Variants in DLC1 observed in about 807,000 individuals in gnomAD.
DLC1 encodes the protein DLC1 Rho GTPase activating protein.
In DLC1, 54 loss-of-function variants were observed where a neutral mutation model predicts 140.3. The observed-to-expected ratio is 0.38, with a 90% CI of 0.31 to 0.48. The LOEUF is 0.48. Ranked by LOEUF, DLC1 falls within the 20% of genes least tolerant of loss-of-function variation. DLC1 has a pLI of 0.96. For missense variants in DLC1, 2,536 were observed against 1,907.0 expected, an observed-to-expected ratio of 1.33 and a Z score of -6.14; for synonymous variants, 986 against 728.1, an observed-to-expected ratio of 1.35 and a Z score of -5.70.
intron 5 of DLC1, among the ~76,000 whole-genome samples, chr8:13,187,849 C>T (rs1437354481): frequency 2.0e-5 from 3 of 152,170 alleles, no homozygotes; most frequent in Admixed American, 6.5e-5. Context: ...GATTCCTCGG[C>T]TCCCCAACCC....
chr8:13,404,745 C>G (rs1233463016), intron 2 of DLC1, among the ~76,000 whole-genome samples: 1 of 151,926 alleles, frequency 6.6e-6, no homozygotes, highest in Admixed American at 6.6e-5. Context: ...CGCCTATAAT[C>G]CTAGCATTTT....
At chr8:13,521,144 C>T (rs535537826) in intron 1 of DLC1, among the ~76,000 whole-genome samples, 2 of 152,016 alleles carry the variant, frequency 1.3e-5, no homozygotes, top group African/African-American at 4.8e-5. Context: ...AGCAAACTAA[C>T]ACAGAAACAG....
chr8:13,171,691 A>C (rs1825492050), intron 5 of DLC1, among the ~76,000 whole-genome samples: 1 of 152,130 alleles, frequency 6.6e-6, no homozygotes, highest in Non-Finnish European at 1.5e-5. Flanking sequence ...GCCGGCCCAC[A>C]CTTCCTTTTA....
At chr8:13,517,494 G>C (rs544109634), upstream of DLC1, among the ~76,000 whole-genome samples, 1 of 151,974 alleles carries the variant, frequency 6.6e-6, no homozygotes, top group African/African-American at 2.4e-5. Flanking sequence ...ATTTTTCATT[G>C]TTGAGTTGCT....
At chr8:13,429,701 T>C (rs950027165) in intron 2 of DLC1, among the ~76,000 whole-genome samples, 3 of 152,190 alleles carry the variant, frequency 2.0e-5, no homozygotes, top group Non-Finnish European at 4.4e-5. Flanking sequence ...AACCTTGCAT[T>C]TCTTGTTAGT....
rs1818697200 is a variant in DLC1, at chr8:13,098,474, A to T, written c.3092T>A (p.Leu1031Gln). 1 of 1,614,224 alleles carries T rather than the reference A, an allele frequency of 6.2e-7. No homozygotes were observed. Reference sequence around the variant, plus strand: ...TAGCTTTAGGAGTGAGTATTTCTGCAGCAGGTTCATCTGGGCCACAGACTG... The same window carrying T: ...TAGCTTTAGGAGTGAGTATTTCTGCTGCAGGTTCATCTGGGCCACAGACTG... Reference protein sequence around the residue: ...NCQSVAQMNLLQKYSLLKLTA... With the variant: ...NCQSVAQMNLQQKYSLLKLTA... The change falls in exon 10 of 18, where the codon CTG (leucine) becomes CAG (glutamine). Residue 1031 changes from leucine (L) to glutamine (Q), a missense_variant. Leu to Gln is a moderately radical substitution (Grantham distance 113). Transcript: ENST00000276297.
At position 13,094,750 on chromosome 8, in the gene DLC1, G is replaced by A. The variant is rs1213055090; in HGVS notation, c.3526+9C>T. ...AATGCCAACAATCTTAAGATCAAAG[G>A]ACACTCACATTGGTAGATCTGTAGA... On this transcript the variant is annotated intron_variant, in intron 12 of 17. Coordinates refer to ENST00000276297, the MANE Select transcript of DLC1 (RefSeq NM_182643.3). 1 of 1,614,112 alleles carries A rather than the reference G, an allele frequency of 6.2e-7. No individual in the cohort carries two copies. Among genetic ancestry groups the A allele is most frequent in the Non-Finnish European group, 8.5e-7 (1 of 1,180,008 alleles).
At chr8:13,466,988 G>A (rs1236539464) in intron 2 of DLC1, among the ~76,000 whole-genome samples, 2 of 150,678 alleles carry the variant, frequency 1.3e-5, no homozygotes, top group African/African-American at 4.9e-5. Flanking sequence ...CTATATGTGA[G>A]TATGACATAT....
At chr8:13,096,661 G>T (rs1206409699) in intron 10 of DLC1, among the ~76,000 whole-genome samples, 1 of 151,986 alleles carries the variant, frequency 6.6e-6, no homozygotes, top group African/African-American at 2.4e-5. Flanking sequence ...TCTGTATTTA[G>T]CAAGGCTCAC....
At chr8:13,330,774 G>A (rs529429293) in intron 4 of DLC1, among the ~76,000 whole-genome samples, 1 of 152,094 alleles carries the variant, frequency 6.6e-6, no homozygotes, top group Admixed American at 6.5e-5. Flanking sequence ...TTTTAATCTT[G>A]TTTACTTGTT....
At position 13,221,724 on chromosome 8, in the gene DLC1, G is replaced by GTATATATATA. The variant is rs1311540477; in HGVS notation, c.1348+83544_1348+83545insTATATATATA. On this transcript the variant is annotated intron_variant, in intron 5 of 17. Transcript: ENST00000276297. ...TATGTGTGTGTATATGTGTGTGTGT[G>GTATATATATA]TGTATATATATATATATATATGATA... is the stretch of plus-strand genomic sequence containing the variant. Among the ~76,000 whole-genome samples, 90 of 132,954 alleles carry GTATATATATA rather than the reference G, an allele frequency of 6.8e-4. 1 individual carries two copies. The highest frequency in any genetic ancestry group is 2.5e-3 in the African/African-American group (87 of 34,734). 87.2% of individuals were successfully genotyped at this position (132,954 alleles called of 152,430 possible). A position where few individuals can be genotyped will look rare whatever the true frequency, so the allele number is the denominator to read the frequency against.
In DLC1 at chr8:13,330,241, C is replaced by T. The variant is rs1528625; in HGVS notation, c.1315-24939G>A. Among the ~76,000 whole-genome samples, 906 of 152,238 alleles carry T rather than the reference C, an allele frequency of 6.0e-3. 8 individuals are homozygous for T. Among genetic ancestry groups the T allele is most frequent in the African/African-American group, 0.016 (657 of 41,536 alleles). On this transcript the variant is annotated intron_variant, in intron 4 of 17. Transcript: ENST00000276297. ...TGCTGGGATTGCAGGAATAAACCAC[C>T]GCACCCAGCCTATTATCCAGTGTTT...
At chr8:13,290,972 G>T (rs1321511903) in intron 5 of DLC1, among the ~76,000 whole-genome samples, 1 of 151,638 alleles carries the variant, frequency 6.6e-6, no homozygotes, top group African/African-American at 2.4e-5. Flanking sequence ...GCAATGGCGC[G>T]ATCTTGGCTC....
chr8:13,575,336 G>A (rs1463149535), intron 1 of DLC1, among the ~76,000 whole-genome samples: 1 of 152,146 alleles, frequency 6.6e-6, no homozygotes, highest in Non-Finnish European at 1.5e-5. Context: ...CTTACGTAAT[G>A]AGGGTTAGGA....
chr8:13,420,005 G>T (rs1026773805), intron 2 of DLC1, among the ~76,000 whole-genome samples: 3 of 152,148 alleles, frequency 2.0e-5, no homozygotes, highest in African/African-American at 7.2e-5. Context: ...TTGCGTAGAG[G>T]TGTTTGTAGT....
rs369956958 is a variant in DLC1 at position 13,098,424 on chromosome 8, G to C, written c.3142C>G (p.Pro1048Ala). The C allele has an allele frequency of 3.7e-6, 6 of 1,614,102 alleles. No individual in the cohort carries two copies. Among genetic ancestry groups the C allele is most frequent in the Non-Finnish European group, 4.2e-6 (5 of 1,180,004 alleles). The change falls in exon 10 of 18, where the codon CCT becomes GCT. Residue 1048 changes from proline (P) to alanine (A), a missense_variant. By Grantham distance (27) the Pro-to-Ala change is conservative. Transcript: ENST00000276297. Reference protein sequence around the residue: ...KLTALLEKYTPSNKHGFSWAV... With the variant: ...KLTALLEKYTASNKHGFSWAV... ...CAGCTAAAACCATGCTTGTTAGAAGGTGTGTATTTCTCCAGCAGGGCCGTT... is the reference window on the plus strand; with the variant it reads ...CAGCTAAAACCATGCTTGTTAGAAGCTGTGTATTTCTCCAGCAGGGCCGTT...
chr8:13,465,258 C>G (rs1488034491), intron 2 of DLC1, among the ~76,000 whole-genome samples: 2 of 152,182 alleles, frequency 1.3e-5, no homozygotes, highest in Non-Finnish European at 2.9e-5. Flanking sequence ...CTAGGACACA[C>G]TTCTAGGAGT....
intron 1 of DLC1, among the ~76,000 whole-genome samples, chr8:13,553,143 G>T (rs1205321001): frequency 7.0e-6 from 1 of 142,214 alleles, no homozygotes; most frequent in Non-Finnish European, 1.5e-5. Context: ...GCTATTGATT[G>T]CTAATTATCA....
At chr8:13,390,136 T>C (rs1836685926) in intron 4 of DLC1, among the ~76,000 whole-genome samples, 1 of 152,138 alleles carries the variant, frequency 6.6e-6, no homozygotes. Flanking sequence ...AATTGATCCA[T>C]GGCCCAAGAA....
Sources: allele counts gnomAD v4.1 joint callset (sites outside exome capture counted in the v4.1 genomes callset), GRCh38; gene constraint gnomAD v4.1.1; transcripts MANE v1.5; gene names NCBI Gene and HGNC (gene_info 2026-07-23, HGNC 2026-07-21).